The following STARD3 variants were observed in gnomAD, a reference collection of about 807,000 sequenced individuals.
STARD3 encodes stAR-related lipid transfer protein 3.
STARD3 carries 39 observed loss-of-function variants against 62.0 expected under a neutral mutation model. That is an observed-to-expected ratio of 0.63 (90% CI 0.49 to 0.82). STARD3 has a LOEUF of 0.82. Among genes scored for constraint, STARD3 ranks in the 40% least tolerant of loss-of-function variants. The probability of loss-of-function intolerance (pLI) is 0.00; values close to 1 mark genes in which losing one functional copy is unlikely to be tolerated. For missense variants in STARD3, 543 were observed against 584.5 expected (o/e 0.93, Z 0.73); for synonymous variants, 229 against 242.4 (o/e 0.94, Z 0.51).
intron 9 of STARD3, chr17:39,659,967 T>C: frequency 1.7e-6 from 1 of 576,426 alleles, no homozygotes; most frequent in Non-Finnish European, 3.1e-6. Flanking sequence ...GGAGACATGG[T>C]TTTTTGTGGT....
intron 1 of STARD3, among the ~76,000 whole-genome samples, chr17:39,650,449 TCAAA>T (rs1472140072): frequency 6.6e-6 from 1 of 152,044 alleles, no homozygotes; most frequent in East Asian, 1.9e-4. Flanking sequence ...GTCCATGATT[TCAAA>T]CAAACAAACC....
intron 2 of STARD3, among the ~76,000 whole-genome samples, chr17:39,654,493 G>A (rs1034889149): frequency 6.6e-6 from 1 of 152,206 alleles, no homozygotes; most frequent in Non-Finnish European, 1.5e-5. Flanking sequence ...ATGCTGCCGG[G>A]CAGCCTGGAG....
Position 39,663,408 on chromosome 17 carries a change from T to TG in STARD3, c.*500_*501insG. On this transcript the variant is annotated 3_prime_UTR_variant, in exon 15 of 15. Coordinates refer to ENST00000336308, the MANE Select transcript of STARD3 (RefSeq NM_006804.4). ...ATGAATCTCTGCCTCTCCCAGGCTG[T>TG]CCCCCTCCTCCCAGGGCCTCCTGGG... 1 of 240,262 alleles carries TG rather than the reference T, an allele frequency of 4.2e-6. No homozygotes were observed. Among genetic ancestry groups the TG allele is most frequent in the Non-Finnish European group, 7.9e-6 (1 of 126,188 alleles). The allele number at this position is 240,262 out of a possible 1,614,324, so 14.9% of individuals were successfully genotyped here. A position where few individuals can be genotyped will look rare whatever the true frequency, so the allele number is the denominator to read the frequency against.
At chr17:39,639,512 T>A (rs1179810724) in intron 1 of STARD3, among the ~76,000 whole-genome samples, 1 of 152,214 alleles carries the variant, frequency 6.6e-6, no homozygotes, top group Non-Finnish European at 1.5e-5. Context: ...AGGCAGAGGC[T>A]GGAGTGGGCT....
At chr17:39,657,437 G>C (rs1293363129) in intron 3 of STARD3, among the ~76,000 whole-genome samples, 1 of 151,732 alleles carries the variant, frequency 6.6e-6, no homozygotes, top group Non-Finnish European at 1.5e-5. Context: ...TGAGGCAGGA[G>C]AATCACTTGA....
intron 1 of STARD3, among the ~76,000 whole-genome samples, chr17:39,649,344 G>T (rs2057055567): frequency 6.6e-6 from 1 of 152,152 alleles, no homozygotes; most frequent in Non-Finnish European, 1.5e-5. Context: ...TGCGCTCAAG[G>T]TTATTCACTG....
intron 9 of STARD3, chr17:39,659,944 G>C (rs1172159079): frequency 8.9e-6 from 5 of 561,270 alleles, no homozygotes; most frequent in Non-Finnish European, 1.6e-5. Context: ...TCTTGTGGCA[G>C]CCCCATTGGC....
chr17:39,659,976 G>C (rs2057177046), intron 9 of STARD3: 2 of 582,196 alleles, frequency 3.4e-6, no homozygotes, highest in Non-Finnish European at 6.1e-6. Context: ...GTTTTTTGTG[G>C]TTGCAGCTGC....
rs2057097293 is a variant in STARD3, at chr17:39,653,556, A to G, written c.25A>G (p.Thr9Ala). 1.6e-5 allele frequency: 25 copies of G among 1,605,936 alleles called. No homozygotes were observed. The East Asian group carries it at 5.6e-4, about 36-fold the overall frequency. Residue 9 changes from threonine to alanine, a missense_variant, in exon 2 of 15, where the codon ACC becomes GCC. Transcript: ENST00000336308. MSKLPREL[T>A]RDLERSLPAV... is the part of the protein sequence containing the mutation. ...GATGAGCAAGCTGCCCAGGGAGCTG[A>G]CCCGAGACTTGGAGCGCAGCCTGCC...
intron 1 of STARD3, among the ~76,000 whole-genome samples, chr17:39,651,483 T>C (rs776950934): frequency 2.0e-5 from 3 of 152,124 alleles, no homozygotes; most frequent in Non-Finnish European, 4.4e-5. Context: ...GTGGGGAGAC[T>C]CAGGGAGCCT....
Position 39,644,826 on chromosome 17 carries a change from C to T in STARD3, c.-52+7595C>T, listed in dbSNP as rs965642215. Among the ~76,000 whole-genome samples the T allele has an allele frequency of 3.3e-5, 5 of 151,150 alleles. 1 individual carries two copies. Among genetic ancestry groups the T allele is most frequent in the Admixed American group, 3.3e-4 (5 of 15,178 alleles). On this transcript the variant is annotated intron_variant, in intron 1 of 14. Transcript: ENST00000336308. ...GCAATGAGCTGTAATCACACCACTG[C>T]ACTCCAGCATGGGCGACAGAGTCTC... is the stretch of plus-strand genomic sequence containing the variant.
chr17:39,660,437 C>G lies in STARD3; in HGVS notation c.865C>G (p.Leu289Val), dbSNP rs748722348. Residue 289 changes from leucine to valine, a missense_variant, in exon 11 of 15, where the codon CTG becomes GTG. Leu to Val is a conservative substitution (Grantham distance 32, BLOSUM62 1). Coordinates refer to ENST00000336308, the MANE Select transcript of STARD3 (RefSeq NM_006804.4). This position sits in a 1 kb window ranked among gnomAD's most constrained non-coding sequence, Gnocchi z 4.8. ...HGKTFILKTFLPCPAELVYQE... is the reference protein window; with the variant it reads ...HGKTFILKTFVPCPAELVYQE... The stretch of plus-strand genomic sequence containing the variant: ...CTCTGCCGCCCTGTCCCAGACCTTC[C>G]TGCCCTGTCCTGCGGAGCTCGTGTA... 6.2e-7 allele frequency: 1 copy of G among 1,613,894 alleles called. No individual in the cohort carries two copies. Among genetic ancestry groups the G allele is most frequent in the East Asian group, 2.2e-5 (1 of 44,880 alleles).
intron 8 of STARD3, among the ~76,000 whole-genome samples, 160 bp from the exon 9 acceptor site, chr17:39,659,301 C>G (rs1322761788): frequency 1.3e-5 from 2 of 152,186 alleles, no homozygotes; most frequent in Non-Finnish European, 2.9e-5. Flanking sequence ...GTGGAGCAGC[C>G]ACAAGCCTGC....
At chr17:39,655,646 T>C (rs2057119833) in intron 2 of STARD3, among the ~76,000 whole-genome samples, 1 of 152,176 alleles carries the variant, frequency 6.6e-6, no homozygotes, top group South Asian at 2.1e-4. Flanking sequence ...ATTAGTAGAG[T>C]CCACATGATG....
At position 39,657,526 on chromosome 17, in the gene STARD3, C is replaced by CA. The variant is rs779901849; in HGVS notation, c.298-234dup. Reference sequence around the variant, plus strand: ...TGGGCGACAGAGCGAGACTCTGTCTCAAAAAAAAAAAAAAACCTTTCCTCC... The same window carrying CA: ...TGGGCGACAGAGCGAGACTCTGTCTCAAAAAAAAAAAAAAAACCTTTCCTCC... On this transcript the variant is annotated intron_variant, in intron 3 of 14. Transcript: ENST00000336308. Among the ~76,000 whole-genome samples, 617 of 96,428 alleles carry CA rather than the reference C, an allele frequency of 6.4e-3. 3 individuals are homozygous for CA. The highest frequency in any genetic ancestry group is 0.017 in the Middle Eastern group (3 of 180). 63.3% of individuals were successfully genotyped at this position (96,428 alleles called of 152,430 possible).
chr17:39,643,648 C>T (rs149667211), intron 1 of STARD3, among the ~76,000 whole-genome samples: 2 of 151,528 alleles, frequency 1.3e-5, no homozygotes, highest in Non-Finnish European at 2.9e-5. Flanking sequence ...ACACCCAGGG[C>T]CTCTGCCTTC....
In STARD3 at chr17:39,653,321, G is replaced by A. The variant is rs1248261630; in HGVS notation, c.-51-160G>A. On this transcript the variant is annotated intron_variant, in intron 1 of 14. Coordinates refer to ENST00000336308, the MANE Select transcript of STARD3 (RefSeq NM_006804.4). Reference sequence around the variant, plus strand: ...CGGAATGCTCAACCCTGCAGCCTGGGAGCCAGGCTGGTGGAGGACATTTGG... The same window carrying A: ...CGGAATGCTCAACCCTGCAGCCTGGAAGCCAGGCTGGTGGAGGACATTTGG... 5 of 606,334 alleles carry A rather than the reference G, an allele frequency of 8.2e-6. No homozygotes were observed. In the East Asian group the frequency reaches 1.4e-4, roughly 17 times the overall value. The allele number at this position is 606,334 out of a possible 1,614,324, so 37.6% of individuals were successfully genotyped here.
At chr17:39,658,605 G>T in intron 6 of STARD3, 83 bp downstream of exon 6, 1 of 1,567,370 alleles carries the variant, frequency 6.4e-7, no homozygotes, top group Non-Finnish European at 8.8e-7. Context: ...GAGTCAGTCT[G>T]AAGCATCTCG....
rs1417458411 is a variant in STARD3 at position 39,650,507 on chromosome 17, GATA to G, written c.-51-2971_-51-2969del. Among the ~76,000 whole-genome samples the G allele has an allele frequency of 2.6e-5, 4 of 152,150 alleles. No individual in the cohort carries two copies. The South Asian group carries it at 6.2e-4, about 24-fold the overall frequency. On this transcript the variant is annotated intron_variant, in intron 1 of 14. Coordinates refer to ENST00000336308, the MANE Select transcript of STARD3 (RefSeq NM_006804.4). ...AGAGGGAGAGGGAGACAGCTAAAAA[GATA>G]ATTACAAAGGAAATAGGCCAGGTGC...
Sources: allele counts gnomAD v4.1 joint callset (sites outside exome capture counted in the v4.1 genomes callset), GRCh38; gene constraint gnomAD v4.1.1; non-coding constraint Gnocchi (gnomAD v3.1); transcripts MANE v1.5; gene names NCBI Gene and HGNC (gene_info 2026-07-23, HGNC 2026-07-21).